NLRP14: variants seen among roughly 807,000 people sequenced by gnomAD.
NLRP14 encodes the protein NLR family pyrin domain containing 14, also known as NACHT, LRR and PYD domains-containing protein 14.
NLRP14 carries 105 observed loss-of-function variants against 94.7 expected under a neutral mutation model. The ratio of observed to expected loss-of-function variants is 1.11; its 90% CI spans 0.95 to 1.30. The LOEUF is 1.30. NLRP14 is among the 50% of genes most tolerant of loss of function. NLRP14 has a pLI of 0.00. For missense variants in NLRP14, 1,362 were observed against 1,254.1 expected (o/e 1.09, Z -1.30); for synonymous variants, 508 against 459.9 (o/e 1.10, Z -1.34).
intron 1 of NLRP14, among the ~76,000 whole-genome samples, chr11:7,033,205 T>C (rs1220692267): frequency 6.6e-6 from 1 of 152,252 alleles, no homozygotes; most frequent in Non-Finnish European, 1.5e-5. Flanking sequence ...TTACAAGCAG[T>C]GCTGCTGTAG....
chr11:7,060,181 T>A, intron 9 of NLRP14, 117 bp downstream of exon 9: 1 of 935,578 alleles, frequency 1.1e-6, no homozygotes, highest in South Asian at 1.3e-5. Context: ...AAGCTGATTT[T>A]CCCTCTCTCT....
At chr11:7,041,609 G>A (rs1333681890) in intron 3 of NLRP14, among the ~76,000 whole-genome samples, 4 of 152,046 alleles carry the variant, frequency 2.6e-5, no homozygotes, top group East Asian at 1.9e-4. Context: ...TTATGTGCAC[G>A]GAAATGTGTT....
rs1852280247 is a variant in NLRP14 at position 7,042,766 on chromosome 11, T to C, written c.740T>C (p.Ile247Thr). The C allele has an allele frequency of 6.2e-7, 1 of 1,614,178 alleles. No individual in the cohort carries two copies. The highest frequency in any genetic ancestry group is 8.5e-7 in the Non-Finnish European group (1 of 1,180,020). The change falls in exon 4 of 12, where the codon ATC (isoleucine) becomes ACC (threonine). Residue 247 changes from isoleucine to threonine, a missense_variant. Ile to Thr is a moderately conservative substitution (Grantham distance 89, BLOSUM62 -1). Coordinates refer to ENST00000299481, the MANE Select transcript of NLRP14 (RefSeq NM_176822.4). ...AGCACAGAAGGCCCCATTGAAGAAA[T>C]CATGTACCAGCCAAGTAGCCTCTTG... ...WPSTEGPIEE[I>T]MYQPSSLLFI...
At chr11:7,068,460 T>C (rs1852741376) in intron 10 of NLRP14, among the ~76,000 whole-genome samples, 1 of 152,166 alleles carries the variant, frequency 6.6e-6, no homozygotes, top group Non-Finnish European at 1.5e-5. Flanking sequence ...TCCCTAGAAC[T>C]TTTTTCTTCA....
At chr11:7,068,511 C>A (rs538912902) in intron 10 of NLRP14, among the ~76,000 whole-genome samples, 2 of 152,154 alleles carry the variant, frequency 1.3e-5, no homozygotes, top group Non-Finnish European at 2.9e-5. Context: ...AATTTTCAAG[C>A]ATGAGGCTTT....
chr11:7,031,476 G>A (rs1273606134), intron 1 of NLRP14, among the ~76,000 whole-genome samples: 1 of 152,132 alleles, frequency 6.6e-6, no homozygotes, highest in Non-Finnish European at 1.5e-5. Context: ...AGTAGTCTTC[G>A]GCTGGAGACC....
downstream of NLRP14, among the ~76,000 whole-genome samples, chr11:7,073,032 A>G (rs575675778): frequency 1.4e-4 from 21 of 152,110 alleles, no homozygotes; most frequent in South Asian, 4.0e-3. Flanking sequence ...CCCTGCTCTC[A>G]TATCTGTCTA....
chr11:7,076,772 A>T, the NLRP14 span, among the ~76,000 whole-genome samples: 2 of 152,158 alleles, frequency 1.3e-5, no homozygotes, highest in Admixed American at 1.3e-4. Flanking sequence ...GTTCTATGAG[A>T]ACAGAAACCA....
the NLRP14 span, among the ~76,000 whole-genome samples, chr11:7,078,560 C>A: frequency 2.0e-5 from 3 of 149,526 alleles, no homozygotes; most frequent in African/African-American, 7.4e-5. Context: ...GAGGCCGAGG[C>A]GAGTGGATCA....
chr11:7,089,999 C>T, the NLRP14 span: 2 of 1,613,090 alleles, frequency 1.2e-6, no homozygotes, highest in Admixed American at 1.7e-5. Flanking sequence ...GCGGCGCCGC[C>T]CCAGGACGGG....
At chr11:7,030,418 C>T (rs902740200) in intron 1 of NLRP14, among the ~76,000 whole-genome samples, 1 of 152,210 alleles carries the variant, frequency 6.6e-6, no homozygotes, top group Non-Finnish European at 1.5e-5. Context: ...CTGGAATGCT[C>T]CATCTCCCAG....
the NLRP14 span, among the ~76,000 whole-genome samples, chr11:7,080,662 C>T: frequency 6.6e-6 from 1 of 152,182 alleles, no homozygotes; most frequent in Non-Finnish European, 1.5e-5. Flanking sequence ...ACATATCATA[C>T]ATAGCAGTGT....
chr11:7,030,999 A>G (rs1852085204), intron 1 of NLRP14, among the ~76,000 whole-genome samples: 1 of 152,208 alleles, frequency 6.6e-6, no homozygotes, highest in Non-Finnish European at 1.5e-5. Context: ...GCCAATGGGA[A>G]GAGAGATTCG....
chr11:7,061,679 C>T (rs1852624167), intron 9 of NLRP14, among the ~76,000 whole-genome samples: 1 of 152,008 alleles, frequency 6.6e-6, no homozygotes, highest in Non-Finnish European at 1.5e-5. Context: ...GAGGCTGGGA[C>T]TTCTCAGTGG....
chr11:7,035,711 C>T (rs1414634938), intron 1 of NLRP14, among the ~76,000 whole-genome samples: 3 of 152,164 alleles, frequency 2.0e-5, no homozygotes, highest in Admixed American at 2.0e-4. Flanking sequence ...TCTCCCCTCT[C>T]TAGGTGAGAT....
chr11:7,025,581 T>C (rs1024802012), intron 1 of NLRP14, among the ~76,000 whole-genome samples: 12 of 152,144 alleles, frequency 7.9e-5, no homozygotes, highest in African/African-American at 2.9e-4. Flanking sequence ...TGGACTGAAT[T>C]TTTCAATAGA....
At chr11:7,058,484 A>G in intron 8 of NLRP14, 34 bp downstream of exon 8, 11 of 1,479,696 alleles carry the variant, frequency 7.4e-6, no homozygotes, top group Non-Finnish European at 9.4e-6. Flanking sequence ...CTTAATATAT[A>G]TTGTACATTT....
intron 1 of NLRP14, 133 bp from the exon 2 acceptor site, chr11:7,038,433 A>G: frequency 2.8e-6 from 2 of 705,772 alleles, no homozygotes; most frequent in Non-Finnish European, 4.9e-6. Flanking sequence ...CTAGGTCAGT[A>G]CCGAGCCTAA....
In NLRP14 at chr11:7,046,776, A is replaced by C; in HGVS notation, c.2067A>C (p.Ala689=). The C allele has an allele frequency of 6.2e-7, 1 of 1,613,688 alleles. No homozygotes were observed. The highest frequency in any genetic ancestry group is 8.5e-7 in the Non-Finnish European group (1 of 1,179,552). ...ACCATAGCAACCTTGATAAATCAGCAATGAATATCCTGCATCATGAACTAA... is the reference window on the plus strand; with the variant it reads ...ACCATAGCAACCTTGATAAATCAGCCATGAATATCCTGCATCATGAACTAA... ...DLYHSNLDKS[A]MNILHHELRH... The change falls in exon 5 of 12, where the codon GCA becomes GCC. Residue 689 remains alanine (A), a synonymous_variant. Coordinates refer to ENST00000299481, the MANE Select transcript of NLRP14 (RefSeq NM_176822.4).
Sources: allele counts gnomAD v4.1 joint callset (sites outside exome capture counted in the v4.1 genomes callset), GRCh38; gene constraint gnomAD v4.1.1; transcripts MANE v1.5; gene names NCBI Gene and HGNC (gene_info 2026-07-23, HGNC 2026-07-21).